Variants in ADRA1A observed in about 807,000 individuals in gnomAD.
The protein encoded by ADRA1A is alpha-1A adrenergic receptor.
ADRA1A carries 31 observed loss-of-function variants against 29.6 expected under a neutral mutation model. The ratio of observed to expected loss-of-function variants is 1.05; its 90% CI spans 0.79 to 1.41. ADRA1A has a LOEUF of 1.41. ADRA1A is among the 40% of genes most tolerant of loss of function. The pLI, the probability that ADRA1A is intolerant of heterozygous loss-of-function variation, is 0.00. For synonymous variants in ADRA1A, 311 were observed against 254.3 expected (o/e 1.22, Z -2.12); for missense variants, 619 against 601.1 (o/e 1.03, Z -0.31).
At position 26,864,565 on chromosome 8, in the gene ADRA1A, T is replaced by A; in HGVS notation, c.405A>T (p.Pro135=). 6.2e-7 allele frequency: 1 copy of A among 1,613,986 alleles called. No individual in the cohort carries two copies. Residue 135 remains proline, a synonymous_variant, in exon 2 of 3, where the codon CCA becomes CCT. Transcript: ENST00000380573. The surrounding 1 kb of genome is among the most constrained non-coding windows in gnomAD (Gnocchi z 8.1). ...GACCCCTCCTCTGGGTGACGATGGT[T>A]GGGTAGCGCAGCGGGTAGCTCACGC... ...YIGVSYPLRY[P]TIVTQRRGLM...
intron 2 of ADRA1A, chr8:26,779,370 T>C: frequency 4.3e-6 from 3 of 702,864 alleles, no homozygotes; most frequent in Non-Finnish European, 7.8e-6. Flanking sequence ...TGCTGCATGG[T>C]GAACTGGTTG....
intron 2 of ADRA1A, among the ~76,000 whole-genome samples, chr8:26,836,687 T>G (rs373755089): frequency 1.3e-5 from 2 of 152,356 alleles, no homozygotes; most frequent in East Asian, 3.9e-4. Flanking sequence ...TTCTTAAAAC[T>G]GCAGGTAACA....
chr8:26,792,380 C>A (rs2130430337), intron 2 of ADRA1A, among the ~76,000 whole-genome samples: 1 of 152,058 alleles, frequency 6.6e-6, no homozygotes, highest in African/African-American at 2.4e-5. Flanking sequence ...TTGTATTAGA[C>A]CTCTAAATAT....
intron 2 of ADRA1A, among the ~76,000 whole-genome samples, chr8:26,774,374 A>C (rs1806388448): frequency 6.6e-6 from 1 of 152,230 alleles, no homozygotes; most frequent in African/African-American, 2.4e-5. Flanking sequence ...AGAGTGAGAA[A>C]AGACAGCAAA....
intron 2 of ADRA1A, among the ~76,000 whole-genome samples, chr8:26,863,622 C>A (rs1273443359): frequency 6.6e-6 from 1 of 152,032 alleles, no homozygotes; most frequent in Admixed American, 6.5e-5. Flanking sequence ...TATGAATAAC[C>A]TAATGCAATA....
intron 2 of ADRA1A, among the ~76,000 whole-genome samples, chr8:26,751,237 T>A (rs1804915803): frequency 6.6e-6 from 1 of 152,200 alleles, no homozygotes; most frequent in Non-Finnish European, 1.5e-5. Context: ...GTTTACCATG[T>A]GCAGATGTAA....
In ADRA1A at chr8:26,865,286, G is replaced by C; in HGVS notation, c.-317C>G. On this transcript the variant is annotated 5_prime_UTR_variant, in exon 2 of 3. Transcript: ENST00000380573. The surrounding 1 kb of genome is among the most constrained non-coding windows in gnomAD (Gnocchi z 7.6). ...TCCCTCCCTACCCGAAGCTGGGTGCGAAGATCCAGGAGACTCCTTGCAACA... is the reference window on the plus strand; with the variant it reads ...TCCCTCCCTACCCGAAGCTGGGTGCCAAGATCCAGGAGACTCCTTGCAACA... 8.1e-7 allele frequency: 1 copy of C among 1,230,674 alleles called. No individual in the cohort carries two copies. Among genetic ancestry groups the C allele is most frequent in the Admixed American group, 4.1e-5 (1 of 24,376 alleles). The allele number at this position is 1,230,674 out of a possible 1,614,324, so 76.2% of individuals were successfully genotyped here. A position where few individuals can be genotyped will look rare whatever the true frequency, so the allele number is the denominator to read the frequency against.
chr8:26,840,916 CT>C (rs1435450614), intron 2 of ADRA1A, among the ~76,000 whole-genome samples: 2 of 152,272 alleles, frequency 1.3e-5, no homozygotes, highest in South Asian at 4.2e-4. Context: ...CAAACACAGC[CT>C]TATGTGGGCA....
intron 2 of ADRA1A, among the ~76,000 whole-genome samples, chr8:26,826,385 A>G (rs932849320): frequency 6.6e-6 from 1 of 152,250 alleles, no homozygotes. Flanking sequence ...GCAGGGTCAC[A>G]TTATGACTTT....
At position 26,805,873 on chromosome 8, in the gene ADRA1A, G is replaced by A. The variant is rs181128758; in HGVS notation, c.884-35207C>T. 2.1e-4 allele frequency among the ~76,000 whole-genome samples: 32 copies of A among 152,152 alleles called. No homozygotes were observed. Among genetic ancestry groups the A allele is most frequent in the Admixed American group, 3.3e-4 (5 of 15,284 alleles). ...ATTAACAGAGCCAAAGCCAAGTGACGTTGGCCCTTGATAAAGACACAGCTT... is the reference window on the plus strand; with the variant it reads ...ATTAACAGAGCCAAAGCCAAGTGACATTGGCCCTTGATAAAGACACAGCTT... On this transcript the variant is annotated intron_variant, in intron 2 of 2. Coordinates refer to ENST00000380573, the MANE Select transcript of ADRA1A (RefSeq NM_000680.4). The surrounding 1 kb of genome is among the most constrained non-coding windows in gnomAD (Gnocchi z 4.8).
At chr8:26,791,980 A>G (rs1489706256) in intron 2 of ADRA1A, among the ~76,000 whole-genome samples, 4 of 152,156 alleles carry the variant, frequency 2.6e-5, no homozygotes, top group Non-Finnish European at 5.9e-5. Context: ...TTTCTGAAAC[A>G]TTTAAAAATT....
intron 2 of ADRA1A, among the ~76,000 whole-genome samples, chr8:26,795,460 C>G (rs1808129169): frequency 6.6e-6 from 1 of 151,714 alleles, no homozygotes; most frequent in South Asian, 2.1e-4. Flanking sequence ...AGGCGTTTAT[C>G]CCACCTTTCT....
In ADRA1A at chr8:26,848,421, T is replaced by C. The variant is rs997190515; in HGVS notation, c.883+15666A>G. On this transcript the variant is annotated intron_variant, in intron 2 of 2. Coordinates refer to ENST00000380573, the MANE Select transcript of ADRA1A (RefSeq NM_000680.4). The surrounding 1 kb of genome is among the most constrained non-coding windows in gnomAD (Gnocchi z 4.3). ...CCTCATAATGAGATTCATGCCCTTA[T>C]ACAAAGAGGAAGGTACCAGAGAGCT... Among the ~76,000 whole-genome samples, 18 of 152,134 alleles carry C rather than the reference T, an allele frequency of 1.2e-4. No homozygotes were observed. The highest frequency in any genetic ancestry group is 4.1e-4 in the African/African-American group (17 of 41,410).
chr8:26,780,881 T>C (rs1214023892), intron 2 of ADRA1A, among the ~76,000 whole-genome samples: 1 of 152,222 alleles, frequency 6.6e-6, no homozygotes, highest in Non-Finnish European at 1.5e-5. Context: ...TGATGATCTG[T>C]TGCTGTCTCC....
intron 2 of ADRA1A, among the ~76,000 whole-genome samples, chr8:26,842,001 C>G (rs1811847987): frequency 6.6e-6 from 1 of 152,130 alleles, no homozygotes; most frequent in Admixed American, 6.5e-5. Flanking sequence ...TTCAGCCCTC[C>G]TTAGGAGATG....
chr8:26,845,131 A>C (rs764327349), intron 2 of ADRA1A, among the ~76,000 whole-genome samples: 1 of 152,152 alleles, frequency 6.6e-6, no homozygotes, highest in Non-Finnish European at 1.5e-5. Flanking sequence ...CCACCAAAGG[A>C]TACTATCAAG....
At chr8:26,828,149 C>A (rs1810720829) in intron 2 of ADRA1A, among the ~76,000 whole-genome samples, 1 of 152,198 alleles carries the variant, frequency 6.6e-6, no homozygotes, top group Non-Finnish European at 1.5e-5. Context: ...CTACCTGGGC[C>A]TCCCAGGGTG....
At chr8:26,840,398 A>C (rs1215495763) in intron 2 of ADRA1A, among the ~76,000 whole-genome samples, 1 of 152,202 alleles carries the variant, frequency 6.6e-6, no homozygotes, top group Non-Finnish European at 1.5e-5. Flanking sequence ...TTTGTGACAC[A>C]GTCGAGCCCT....
chr8:26,755,294 T>A (rs1436609993), downstream of ADRA1A, among the ~76,000 whole-genome samples: 1 of 152,146 alleles, frequency 6.6e-6, no homozygotes, highest in Non-Finnish European at 1.5e-5. Context: ...CTTTGTGATT[T>A]TCAGCCAAGC....
Sources: gnomAD v4.1 joint callset for allele counts (sites outside exome capture counted in the v4.1 genomes callset) on GRCh38, gnomAD v4.1.1 for gene constraint, Gnocchi (gnomAD v3.1) non-coding constraint, MANE v1.5 for transcripts, NCBI Gene and HGNC (gene_info 2026-07-23, HGNC 2026-07-21) for gene names.